Variants in ADAM10 observed in about 807,000 individuals in gnomAD.
The protein encoded by ADAM10 is disintegrin and metalloproteinase domain-containing protein 10.
A neutral mutation model predicts 90.1 loss-of-function variants in ADAM10; 17 were observed. The ratio of observed to expected loss-of-function variants is 0.19; its 90% CI spans 0.13 to 0.28. The LOEUF (loss-of-function observed/expected upper bound fraction) is 0.28. Ranked by LOEUF, ADAM10 falls within the 10% of genes least tolerant of loss-of-function variation. ADAM10 has a pLI of 1.00. For missense variants in ADAM10, 610 were observed against 914.3 expected (o/e 0.67, Z 4.29); for synonymous variants, 310 against 298.6 (o/e 1.04, Z -0.40).
intron 4 of ADAM10, among the ~76,000 whole-genome samples, chr15:58,678,455 G>T (rs1218790576): frequency 1.3e-5 from 2 of 152,030 alleles, no homozygotes; most frequent in African/African-American, 4.8e-5. Context: ...ATAATAAATG[G>T]GTATTCAAGA....
chr15:58,716,246 A>T (rs1269526253), intron 2 of ADAM10, among the ~76,000 whole-genome samples: 1 of 152,192 alleles, frequency 6.6e-6, no homozygotes, highest in Admixed American at 6.6e-5. Flanking sequence ...CGTGTACCAT[A>T]TGTGCAATAT....
At chr15:58,624,504 T>G (rs1210279560) in intron 10 of ADAM10, among the ~76,000 whole-genome samples, 5 of 152,208 alleles carry the variant, frequency 3.3e-5, no homozygotes, top group Non-Finnish European at 5.9e-5. Context: ...GTTAGTTATT[T>G]GCTAACAGTT....
At chr15:58,717,876 T>C (rs1898717632) in intron 1 of ADAM10, 149 bp from the exon 2 acceptor site, 3 of 1,214,276 alleles carry the variant, frequency 2.5e-6, no homozygotes, top group African/African-American at 1.5e-5. Context: ...TATTAACACA[T>C]ATATTATTAA....
intron 2 of ADAM10, chr15:58,698,202 TAA>T (rs1241017399): frequency 2.7e-6 from 1 of 371,964 alleles, no homozygotes; most frequent in Non-Finnish European, 5.2e-6. Context: ...AAATAATATT[TAA>T]AAAGCTAAGT....
intron 2 of ADAM10, among the ~76,000 whole-genome samples, chr15:58,716,622 A>C (rs1388358681): frequency 6.6e-6 from 1 of 152,270 alleles, no homozygotes; most frequent in African/African-American, 2.4e-5. Flanking sequence ...AGTCAAATTA[A>C]GAAAATCTGG....
chr15:58,683,859 C>CAAAA (rs71425819), intron 2 of ADAM10, among the ~76,000 whole-genome samples: 5,983 of 66,176 alleles, frequency 0.09, 363 homozygotes, highest in East Asian at 0.17. Context: ...GGCTCCATCT[C>CAAAA]AAAAAAAAAA....
At chr15:58,632,627 G>C (rs1218535919) in intron 9 of ADAM10, among the ~76,000 whole-genome samples, 1 of 152,098 alleles carries the variant, frequency 6.6e-6, no homozygotes, top group Non-Finnish European at 1.5e-5. Flanking sequence ...GGCGTATAAC[G>C]CTTTGTTGCA....
chr15:58,685,969 C>T (rs1897590002), intron 2 of ADAM10, among the ~76,000 whole-genome samples: 1 of 152,032 alleles, frequency 6.6e-6, no homozygotes, highest in African/African-American at 2.4e-5. Flanking sequence ...CTTGCCTACC[C>T]ACCTCAAAAA....
chr15:58,599,275 T>C (rs1895046243), intron 15 of ADAM10, among the ~76,000 whole-genome samples: 1 of 151,082 alleles, frequency 6.6e-6, no homozygotes, highest in African/African-American at 2.4e-5. Context: ...AATTTTAAAG[T>C]AGTTCACCAT....
At chr15:58,615,344 A>AT (rs1340257510) in intron 11 of ADAM10, among the ~76,000 whole-genome samples, 1 of 151,920 alleles carries the variant, frequency 6.6e-6, no homozygotes, top group Non-Finnish European at 1.5e-5. Context: ...TCACCTACTG[A>AT]TATCAATCAT....
At chr15:58,599,117 G>C (rs1895038353) in intron 15 of ADAM10, among the ~76,000 whole-genome samples, 1 of 135,254 alleles carries the variant, frequency 7.4e-6, no homozygotes, top group African/African-American at 2.7e-5. Context: ...TTGAGCTCAG[G>C]AGTAAGTCCA....
chr15:58,624,846 T>C (rs1346577200), intron 10 of ADAM10, among the ~76,000 whole-genome samples: 1 of 152,190 alleles, frequency 6.6e-6, no homozygotes, highest in Non-Finnish European at 1.5e-5. Context: ...AAATACTGTT[T>C]AAATGCAAAA....
chr15:58,676,262 TAA>T (rs1260029608), intron 4 of ADAM10: 1 of 455,712 alleles, frequency 2.2e-6, no homozygotes, highest in African/African-American at 2.0e-5. Context: ...TCAAGTGACA[TAA>T]GTTTTCTAAG....
chr15:58,701,832 G>A (rs1440668253), intron 2 of ADAM10, among the ~76,000 whole-genome samples: 1 of 152,142 alleles, frequency 6.6e-6, no homozygotes, highest in Non-Finnish European at 1.5e-5. Context: ...AAGGCCCGGA[G>A]CAGTGACTCA....
chr15:58,626,262 A>G (rs1895942062), intron 10 of ADAM10, among the ~76,000 whole-genome samples: 1 of 152,170 alleles, frequency 6.6e-6, no homozygotes, highest in Non-Finnish European at 1.5e-5. Context: ...GAGGGAACTG[A>G]GTGAAGGGTA....
At chr15:58,669,700 A>C (rs1897152314) in intron 4 of ADAM10, among the ~76,000 whole-genome samples, 1 of 152,130 alleles carries the variant, frequency 6.6e-6, no homozygotes, top group Admixed American at 6.5e-5. Flanking sequence ...TAAAAACCTT[A>C]ATTTTGTCTG....
At chr15:58,738,995 A>G (rs1899516802) in intron 1 of ADAM10, among the ~76,000 whole-genome samples, 1 of 151,976 alleles carries the variant, frequency 6.6e-6, no homozygotes, top group Non-Finnish European at 1.5e-5. Context: ...TCTTAAACCC[A>G]TTGTCATTAA....
At chr15:58,659,062 C>T (rs1419520987) in intron 5 of ADAM10, among the ~76,000 whole-genome samples, 2 of 152,086 alleles carry the variant, frequency 1.3e-5, no homozygotes, top group Non-Finnish European at 2.9e-5. Flanking sequence ...ATCATGAGTT[C>T]AAAAGTTCAA....
intron 11 of ADAM10, among the ~76,000 whole-genome samples, chr15:58,613,256 C>A (rs1895503757): frequency 6.6e-6 from 1 of 152,142 alleles, no homozygotes; most frequent in Non-Finnish European, 1.5e-5. Flanking sequence ...AAAAGAAGCA[C>A]CACACCCTTC....
Sources: gnomAD v4.1 joint callset for allele counts (sites outside exome capture counted in the v4.1 genomes callset) on GRCh38, gnomAD v4.1.1 for gene constraint, MANE v1.5 for transcripts, NCBI Gene and HGNC (gene_info 2026-07-23, HGNC 2026-07-21) for gene names.